TRPM7: variants seen among roughly 807,000 people sequenced by gnomAD.
The protein encoded by TRPM7 is LTRPC ion channel family member 7.
TRPM7 carries 134 observed loss-of-function variants against 229.7 expected under a neutral mutation model. The ratio of observed to expected loss-of-function variants is 0.58; its 90% CI spans 0.51 to 0.67. TRPM7 has a LOEUF of 0.67. TRPM7 is among the 30% of genes least tolerant of loss of function. TRPM7 has a pLI of 0.00. For missense variants in TRPM7, 1,901 were observed against 2,210.0 expected (o/e 0.86, Z 2.80); for synonymous variants, 699 against 715.2 (o/e 0.98, Z 0.36).
In TRPM7 at chr15:50,583,161, T is replaced by C. The variant is rs2054506447; in HGVS notation, c.4487-2A>G. 6.3e-7 allele frequency: 1 copy of C among 1,593,250 alleles called. No individual in the cohort carries two copies. Among genetic ancestry groups the C allele is most frequent in the Non-Finnish European group, 8.5e-7 (1 of 1,171,740 alleles). On this transcript the variant is annotated splice_acceptor_variant, in intron 28 of 38. Transcript: ENST00000646667. LOFTEE classifies it high-confidence loss of function. ...ATGGCCTTCTACTGATTTTTTCTGC[T>C]AAAAGAAAATTAAAAAATATAAAAA... is the stretch of plus-strand genomic sequence containing the variant.
At chr15:50,666,131 C>A (rs1596336132) in intron 1 of TRPM7, among the ~76,000 whole-genome samples, 1 of 151,806 alleles carries the variant, frequency 6.6e-6, no homozygotes, top group Admixed American at 6.6e-5. Flanking sequence ...AATAAAACAG[C>A]AAGATAAGCA....
Position 50,589,593 on chromosome 15 carries a change from G to A in TRPM7, c.4388C>T (p.Ser1463Phe), listed in dbSNP as rs185367011. The change falls in exon 27 of 39, where the codon TCC (serine) becomes TTC (phenylalanine). Residue 1463 changes from serine (S) to phenylalanine (F), a missense_variant and splice_region_variant. By Grantham distance (155) the Ser-to-Phe change is radical. Transcript: ENST00000646667. ...KETSNKIKIL[S>F]NNNTSENTLK... ...GTGTTTTAATAAGGATTTACTTACGGATAGTATTTTTATCTTGTTTGATGT... is the reference window on the plus strand; with the variant it reads ...GTGTTTTAATAAGGATTTACTTACGAATAGTATTTTTATCTTGTTTGATGT... 6.4e-7 allele frequency: 1 copy of A among 1,553,930 alleles called. No homozygotes were observed. The highest frequency in any genetic ancestry group is 2.3e-5 in the East Asian group (1 of 44,058).
chr15:50,655,463 C>T (rs1315958142), intron 3 of TRPM7, among the ~76,000 whole-genome samples: 2 of 145,268 alleles, frequency 1.4e-5, no homozygotes, highest in East Asian at 2.0e-4. Context: ...AAACAAAAAA[C>T]CTTCTCAATC....
At chr15:50,650,885 G>T (rs963075155) in intron 3 of TRPM7, among the ~76,000 whole-genome samples, 5 of 152,152 alleles carry the variant, frequency 3.3e-5, no homozygotes. Flanking sequence ...TTGTCAGCAT[G>T]CATGAAAAAT....
intron 5 of TRPM7, among the ~76,000 whole-genome samples, 183 bp downstream of exon 5, chr15:50,643,157 C>T (rs890258099): frequency 6.6e-6 from 1 of 152,010 alleles, no homozygotes; most frequent in Admixed American, 6.6e-5. Flanking sequence ...GGCATGGTGG[C>T]GCAGGCCTGT....
intron 38 of TRPM7, among the ~76,000 whole-genome samples, chr15:50,563,610 G>C (rs936812400): frequency 2.0e-5 from 3 of 152,198 alleles, no homozygotes; most frequent in African/African-American, 4.8e-5. Flanking sequence ...TTTTGGACTT[G>C]AGCAACTGGG....
chr15:50,620,905 C>G (rs627171), intron 12 of TRPM7, among the ~76,000 whole-genome samples: 1 of 151,540 alleles, frequency 6.6e-6, no homozygotes, highest in African/African-American at 2.4e-5. Flanking sequence ...GCACTCCAGT[C>G]TCAGCAACAA....
Position 50,593,627 on chromosome 15 carries a change from T to C in TRPM7, c.3598A>G (p.Thr1200Ala). The C allele has an allele frequency of 6.2e-7, 1 of 1,611,790 alleles. No homozygotes were observed. The highest frequency in any genetic ancestry group is 1.7e-5 in the Admixed American group (1 of 59,828). Residue 1200 changes from threonine (T) to alanine (A), a missense_variant, in exon 25 of 39, where the codon ACT (threonine) becomes GCT (alanine). Thr to Ala is a moderately conservative substitution (Grantham distance 58, BLOSUM62 0). This residue lies in a region of TRPM7 where 533 missense variants were observed against 497.1 expected (regional missense o/e 1.07). Coordinates refer to ENST00000646667, the MANE Select transcript of TRPM7 (RefSeq NM_017672.6). ...AAAGGGCTTCTGAACCTTTCAAAAG[T>C]GACACGAATTCTCTCTTCACTCCCA... ...HSGSEERIRV[T>A]FERVEQMCIQ... is the part of the protein sequence containing the mutation.
intron 28 of TRPM7, among the ~76,000 whole-genome samples, chr15:50,585,050 ATTTTTTTTTTT>A (rs755433337): frequency 2.1e-5 from 2 of 95,060 alleles, no homozygotes; most frequent in South Asian, 3.5e-4. Context: ...TAATTTTTGT[ATTTTTTTTTTT>A]TTTTTTTTTT....
intron 27 of TRPM7, among the ~76,000 whole-genome samples, chr15:50,587,195 G>T (rs186037537): frequency 1.3e-5 from 2 of 151,994 alleles, no homozygotes; most frequent in Non-Finnish European, 2.9e-5. Flanking sequence ...TCCTTTTGGG[G>T]ATCTTGGTAA....
At chr15:50,655,858 T>C (rs1157633187) in intron 3 of TRPM7, among the ~76,000 whole-genome samples, 1 of 151,792 alleles carries the variant, frequency 6.6e-6, no homozygotes, top group South Asian at 2.1e-4. Flanking sequence ...GGCATGGTGG[T>C]GTGTGCCTGT....
Position 50,613,655 on chromosome 15 carries a change from T to A in TRPM7, c.1770+52A>T, listed in dbSNP as rs1194087051. On this transcript the variant is annotated intron_variant, in intron 15 of 38. Transcript: ENST00000646667. ...TTTTTGTTTAATAATACTAAGTAAT[T>A]TAGAAAGAAGAAAATAAAAACCCAG... The A allele has an allele frequency of 7.7e-6, 11 of 1,428,360 alleles. No homozygotes were observed. The Admixed American group carries it at 3.3e-4, about 43-fold the overall frequency. 88.5% of individuals were successfully genotyped at this position (1,428,360 alleles called of 1,614,324 possible).
chr15:50,614,317 C>T, intron 13 of TRPM7, 54 bp from the exon 14 acceptor site: 5 of 1,471,584 alleles, frequency 3.4e-6, no homozygotes, highest in South Asian at 1.4e-5. Context: ...TCAATATTGC[C>T]ATGCCCTGCC....
chr15:50,594,165 T>C (rs1242694614), intron 24 of TRPM7, among the ~76,000 whole-genome samples: 2 of 152,202 alleles, frequency 1.3e-5, no homozygotes, highest in African/African-American at 2.4e-5. Flanking sequence ...TAAAAATGGT[T>C]TGTAGAACAA....
intron 33 of TRPM7, among the ~76,000 whole-genome samples, chr15:50,575,516 T>C (rs1006379293): frequency 1.5e-4 from 23 of 152,244 alleles, no homozygotes; most frequent in Non-Finnish European, 1.5e-5. Context: ...TTGTTGCTTC[T>C]GAATATGCCA....
chr15:50,596,435 C>T (rs1382838186), intron 22 of TRPM7, 54 bp from the exon 23 acceptor site: 4 of 1,328,698 alleles, frequency 3.0e-6, no homozygotes, highest in Non-Finnish European at 4.1e-6. Context: ...AGTAATTCAT[C>T]AGTAACTGCT....
chr15:50,558,422 G>A lies in TRPM7; in HGVS notation c.*3256C>T, dbSNP rs2414071. The A allele has an allele frequency of 0.031, 4,775 of 152,270 alleles. 101 individuals are homozygous for A. The highest frequency in any genetic ancestry group is 0.099 in the Middle Eastern group (29 of 294). 9.4% of individuals were successfully genotyped at this position (152,270 alleles called of 1,614,324 possible). ...ATTAGTTGGGTGTTACCCAGGCATG[G>A]TGGCTCACACCTATAATCCCAGTAC... is the stretch of plus-strand genomic sequence containing the variant. On this transcript the variant is annotated 3_prime_UTR_variant, in exon 39 of 39. Coordinates refer to ENST00000646667, the MANE Select transcript of TRPM7 (RefSeq NM_017672.6).
At chr15:50,665,019 CA>C (rs1272663785) in intron 1 of TRPM7, among the ~76,000 whole-genome samples, 2 of 152,144 alleles carry the variant, frequency 1.3e-5, no homozygotes, top group Non-Finnish European at 2.9e-5. Flanking sequence ...AACATGTTAA[CA>C]AGCTTCATTT....
At chr15:50,619,660 T>C (rs1182957996) in intron 13 of TRPM7, 85 bp downstream of exon 13, 12 of 1,156,450 alleles carry the variant, frequency 1.0e-5, no homozygotes, top group Non-Finnish European at 1.4e-5. Flanking sequence ...CTAAAATGTA[T>C]TTAAATGATT....
Sources: gnomAD v4.1 joint callset for allele counts (sites outside exome capture counted in the v4.1 genomes callset) on GRCh38, gnomAD v4.1.1 for gene constraint, gnomAD v4.1.1 regional missense constraint, MANE v1.5 for transcripts, NCBI Gene and HGNC (gene_info 2026-07-23, HGNC 2026-07-21) for gene names.